GMEB2: variants seen among roughly 807,000 people sequenced by gnomAD.
The protein encoded by GMEB2 is glucocorticoid modulatory element-binding protein 2.
GMEB2 carries 7 observed loss-of-function variants against 45.7 expected under a neutral mutation model. The observed-to-expected ratio is 0.15, with a 90% CI of 0.09 to 0.29. The LOEUF (loss-of-function observed/expected upper bound fraction) is 0.29, where lower values mean the gene tolerates loss of function less well. Ranked by LOEUF, GMEB2 falls within the 10% of genes least tolerant of loss-of-function variation. The probability of loss-of-function intolerance (pLI) is 1.00; values close to 1 mark genes in which losing one functional copy is unlikely to be tolerated. For synonymous variants in GMEB2, 322 were observed against 323.6 expected (o/e 1.00, Z 0.05); for missense variants, 582 against 739.2 (o/e 0.79, Z 2.47).
intron 1 of GMEB2, among the ~76,000 whole-genome samples, chr20:63,626,662 C>T (rs2089676115): frequency 1.3e-5 from 2 of 151,574 alleles, no homozygotes; most frequent in Admixed American, 6.6e-5. Flanking sequence ...GCGGCGTGGT[C>T]CCCCCGGGAT....
At chr20:63,609,131 C>A (rs887854888) in intron 2 of GMEB2, among the ~76,000 whole-genome samples, 1 of 65,650 alleles carries the variant, frequency 1.5e-5, no homozygotes. Flanking sequence ...GAAACATGCC[C>A]CTCTGACCCC....
intron 2 of GMEB2, among the ~76,000 whole-genome samples, chr20:63,610,682 A>T (rs2089562901): frequency 6.6e-6 from 1 of 152,226 alleles, no homozygotes; most frequent in South Asian, 2.1e-4. Context: ...CTCAGAGAAG[A>T]AGGCGCATGC....
At chr20:63,594,888 A>T (rs2083180730) in intron 6 of GMEB2, among the ~76,000 whole-genome samples, 1 of 152,168 alleles carries the variant, frequency 6.6e-6, no homozygotes, top group Non-Finnish European at 1.5e-5. Flanking sequence ...AGCTGGGACT[A>T]CAGGCATGCA....
chr20:63,618,021 G>A (rs542589126), intron 2 of GMEB2, among the ~76,000 whole-genome samples: 1 of 152,176 alleles, frequency 6.6e-6, no homozygotes, highest in Non-Finnish European at 1.5e-5. Context: ...GGGCTCAGCT[G>A]AGGAGACGTG....
chr20:63,605,836 T>C (rs2089514692), intron 2 of GMEB2, among the ~76,000 whole-genome samples: 1 of 152,046 alleles, frequency 6.6e-6, no homozygotes, highest in Non-Finnish European at 1.5e-5. Flanking sequence ...ACACCTGTAA[T>C]CCCAGCTACT....
rs2083118868 is a variant in GMEB2 at position 63,589,025 on chromosome 20, C to T, written c.*1064G>A. Reference sequence around the variant, plus strand: ...GGGGCTCTCCCTTGGACAGAGACCACCAAGGGCCAGCCCAGGGGCTGCATG... The same window carrying T: ...GGGGCTCTCCCTTGGACAGAGACCATCAAGGGCCAGCCCAGGGGCTGCATG... On this transcript the variant is annotated 3_prime_UTR_variant, in exon 10 of 10. Coordinates refer to ENST00000370077, the MANE Select transcript of GMEB2 (RefSeq NM_012384.5). 2.5e-6 allele frequency: 1 copy of T among 398,750 alleles called. No individual in the cohort carries two copies. The highest frequency in any genetic ancestry group is 4.4e-6 in the Non-Finnish European group (1 of 226,212). 24.7% of individuals were successfully genotyped at this position (398,750 alleles called of 1,614,324 possible).
intron 2 of GMEB2, among the ~76,000 whole-genome samples, chr20:63,611,519 A>T (rs2089570727): frequency 6.6e-6 from 1 of 150,636 alleles, no homozygotes; most frequent in South Asian, 2.1e-4. Flanking sequence ...GGCTGAGGCA[A>T]GAGATTTACT....
rs753140474 is a variant in GMEB2, at chr20:63,592,675, G to A, written c.692-5C>T. On this transcript the variant is annotated splice_region_variant and splice_polypyrimidine_tract_variant and intron_variant, in intron 7 of 9. Transcript: ENST00000370077. This position sits in a 1 kb window ranked among gnomAD's most constrained non-coding sequence, Gnocchi z 8.2. ...GCCAGAAGGTAAATGTGTCATCTGT[G>A]AGGGAAGGAGTGGGTTCAGTGGGCA... The A allele has an allele frequency of 1.2e-6, 2 of 1,612,546 alleles. No individual in the cohort carries two copies. Among genetic ancestry groups the A allele is most frequent in the Non-Finnish European group, 1.7e-6 (2 of 1,178,878 alleles).
chr20:63,607,210 ATTTCTAGAAACATGCCCCTCTGACCCAC>A, intron 2 of GMEB2, among the ~76,000 whole-genome samples: 4 of 95,374 alleles, frequency 4.2e-5, no homozygotes, highest in African/African-American at 1.7e-4. Flanking sequence ...ACCCACCTCC[ATTTCTAGAAACATGCCCCTCTGACCCAC>A]CTCCATTTCT....
chr20:63,619,228 G>GCC lies in GMEB2; in HGVS notation c.131+37_131+38dup. The GCC allele has an allele frequency of 6.5e-7, 1 of 1,538,026 alleles. No homozygotes were observed. Among genetic ancestry groups the GCC allele is most frequent in the Non-Finnish European group, 8.8e-7 (1 of 1,142,184 alleles). The stretch of plus-strand genomic sequence containing the variant: ...CTGTGCCAAGGACAGCCCAACCCAA[G>GCC]CCCCCATCAGCCCCAATGGCACCGA... On this transcript the variant is annotated intron_variant, in intron 2 of 9. Coordinates refer to ENST00000370077, the MANE Select transcript of GMEB2 (RefSeq NM_012384.5). The surrounding 1 kb of genome is among the most constrained non-coding windows in gnomAD (Gnocchi z 4.6).
chr20:63,623,655 G>A (rs1008812217), intron 1 of GMEB2, among the ~76,000 whole-genome samples: 32 of 151,984 alleles, frequency 2.1e-4, no homozygotes, highest in Admixed American at 1.8e-3. Flanking sequence ...AAAATTAGCC[G>A]GGCGCGGTGG....
intron 6 of GMEB2, among the ~76,000 whole-genome samples, chr20:63,594,775 A>G (rs2083179323): frequency 6.6e-6 from 1 of 152,054 alleles, no homozygotes; most frequent in African/African-American, 2.4e-5. Flanking sequence ...TTGAGATGGA[A>G]TCTCACACTG....
intron 1 of GMEB2, among the ~76,000 whole-genome samples, chr20:63,620,288 T>A (rs12480747): frequency 0.091 from 13,750 of 150,822 alleles, 749 homozygotes; most frequent in Non-Finnish European, 0.097. Context: ...TGATAATGGC[T>A]GTCCTGGCCC....
chr20:63,610,348 C>A (rs549109234), intron 2 of GMEB2, among the ~76,000 whole-genome samples: 1 of 152,036 alleles, frequency 6.6e-6, no homozygotes, highest in African/African-American at 2.4e-5. Flanking sequence ...GGTGAAACCC[C>A]GTCTCTACTA....
rs2083252700 is a variant in GMEB2 at position 63,603,028 on chromosome 20, G to A, written c.294C>T (p.Asp98=). The change falls in exon 4 of 10, where the codon GAC becomes GAT. Residue 98 remains aspartate, a synonymous_variant. Coordinates refer to ENST00000370077, the MANE Select transcript of GMEB2 (RefSeq NM_012384.5). ...AEIVYPITCG[D]SRANLIWRKF... Reference sequence around the variant, plus strand: ...TCCTCCAGATGAGGTTGGCTCTGCTGTCTCCACAGGTGATGGGGTACACAA... The same window carrying A: ...TCCTCCAGATGAGGTTGGCTCTGCTATCTCCACAGGTGATGGGGTACACAA... The A allele has an allele frequency of 6.2e-7, 1 of 1,613,866 alleles. No individual in the cohort carries two copies. Among genetic ancestry groups the A allele is most frequent in the Non-Finnish European group, 8.5e-7 (1 of 1,179,752 alleles).
At chr20:63,625,037 A>C (rs2089661607) in intron 1 of GMEB2, among the ~76,000 whole-genome samples, 1 of 152,184 alleles carries the variant, frequency 6.6e-6, no homozygotes, top group Admixed American at 6.5e-5. Flanking sequence ...GGTTCAAAGC[A>C]ATATGCACAA....
At chr20:63,623,551 C>G (rs930546474) in intron 1 of GMEB2, among the ~76,000 whole-genome samples, 1 of 152,098 alleles carries the variant, frequency 6.6e-6, no homozygotes, top group Non-Finnish European at 1.5e-5. Flanking sequence ...GTAATCCCAG[C>G]ACTTTGGGAG....
rs1013232246 is a variant in GMEB2 at position 63,596,403 on chromosome 20, C to T, written c.462-636G>A. ...GTGTCTCAACGAGCCTGCCTCGACC[C>T]ATGAAACGAGGGTCAGAGGCTCCAG... is the stretch of plus-strand genomic sequence containing the variant. On this transcript the variant is annotated intron_variant, in intron 5 of 9. Transcript: ENST00000370077. Among the ~76,000 whole-genome samples the T allele has an allele frequency of 4.6e-5, 7 of 152,366 alleles. No individual in the cohort carries two copies. In the South Asian group the frequency reaches 1.4e-3, roughly 32 times the overall value.
At chr20:63,605,270 T>C (rs1376578934) in intron 2 of GMEB2, among the ~76,000 whole-genome samples, 2 of 149,144 alleles carry the variant, frequency 1.3e-5, no homozygotes, top group African/African-American at 5.0e-5. Context: ...CGGTGGCTCA[T>C]GCCTATAATC....
Sources: allele counts gnomAD v4.1 joint callset (sites outside exome capture counted in the v4.1 genomes callset), GRCh38; gene constraint gnomAD v4.1.1; non-coding constraint Gnocchi (gnomAD v3.1); transcripts MANE v1.5; gene names NCBI Gene and HGNC (gene_info 2026-07-23, HGNC 2026-07-21).